Variants in SUCLG2 observed in about 807,000 individuals in gnomAD.
The protein encoded by SUCLG2 is succinate--CoA ligase [GDP-forming] subunit beta, mitochondrial.
SUCLG2 carries 42 observed loss-of-function variants against 47.9 expected under a neutral mutation model. The observed-to-expected ratio is 0.88, with a 90% confidence interval of 0.69 to 1.14. The LOEUF is 1.14. Among genes scored for constraint, SUCLG2 ranks in the 50% most tolerant of loss-of-function variants. The probability of loss-of-function intolerance (pLI) is 0.00; values close to 1 mark genes in which losing one functional copy is unlikely to be tolerated. For synonymous variants in SUCLG2, 195 were observed against 197.3 expected, an observed-to-expected ratio of 0.99 and a Z score of 0.10; for missense variants, 571 against 525.9, an observed-to-expected ratio of 1.09 and a Z score of -0.84.
chr3:67,391,403 T>C (rs1329502998), intron 10 of SUCLG2, among the ~76,000 whole-genome samples: 1 of 152,106 alleles, frequency 6.6e-6, no homozygotes, highest in Non-Finnish European at 1.5e-5. Context: ...ATTCGCTACA[T>C]GATGGTATGT....
intron 9 of SUCLG2, among the ~76,000 whole-genome samples, chr3:67,423,554 C>T (rs1703223355): frequency 6.6e-6 from 1 of 152,136 alleles, no homozygotes; most frequent in African/African-American, 2.4e-5. Flanking sequence ...TCTTTCTGTG[C>T]CTGGCATTTG....
At chr3:67,392,648 G>A (rs1702416318) in intron 10 of SUCLG2, among the ~76,000 whole-genome samples, 1 of 152,124 alleles carries the variant, frequency 6.6e-6, no homozygotes, top group Non-Finnish European at 1.5e-5. Context: ...GGGCAGAGGG[G>A]TGCTCCTTAA....
chr3:67,631,460 T>C (rs1000451394), intron 1 of SUCLG2, among the ~76,000 whole-genome samples: 5 of 151,926 alleles, frequency 3.3e-5, no homozygotes, highest in Admixed American at 1.3e-4. Flanking sequence ...AAACCCCGTC[T>C]CTACCAAAAA....
chr3:67,419,597 A>C (rs546222820), intron 9 of SUCLG2, among the ~76,000 whole-genome samples: 4 of 152,302 alleles, frequency 2.6e-5, no homozygotes, highest in Admixed American at 6.5e-5. Flanking sequence ...TTATATTAGG[A>C]GCATTCTGTC....
chr3:67,552,542 G>A (rs76450205), intron 2 of SUCLG2, among the ~76,000 whole-genome samples: 4,545 of 152,298 alleles, frequency 0.03, 147 homozygotes, highest in East Asian at 0.16. Context: ...CTGCAGACAT[G>A]GATGTCTATA....
At chr3:67,394,316 G>C (rs970476723) in intron 10 of SUCLG2, among the ~76,000 whole-genome samples, 5 of 151,730 alleles carry the variant, frequency 3.3e-5, no homozygotes, top group African/African-American at 7.3e-5. Context: ...CCAATACAGA[G>C]AAGTGCTTAA....
Position 67,495,839 on chromosome 3 carries a change from G to A in SUCLG2, c.1021C>T (p.Gln341Ter). ...LDLGGGVKEA[Q>*]VYQAFKLLTA... ...AGCAATTTGAATGCTTGATATACTT[G>A]AGCTTCCTTTACACCACCTCCAAGA... The change falls in exon 9 of 11, where the codon CAA becomes TAA. Residue 341 changes from glutamine to a stop codon, truncating the protein, a stop_gained. Transcript: ENST00000307227. LOFTEE classifies it high-confidence loss of function. 6.2e-7 allele frequency: 1 copy of A among 1,613,952 alleles called. No homozygotes were observed. The highest frequency in any genetic ancestry group is 8.5e-7 in the Non-Finnish European group (1 of 1,179,960).
chr3:67,399,515 A>G (rs1020352535), intron 10 of SUCLG2, among the ~76,000 whole-genome samples: 45 of 152,212 alleles, frequency 3.0e-4, no homozygotes, highest in African/African-American at 1.0e-3. Flanking sequence ...TTTGCACTAT[A>G]AAGTCAAATT....
intron 9 of SUCLG2, among the ~76,000 whole-genome samples, chr3:67,403,770 T>C (rs1702742048): frequency 1.3e-5 from 2 of 152,188 alleles, no homozygotes; most frequent in South Asian, 4.1e-4. Flanking sequence ...CTTAGTTCGC[T>C]GAGGAACTAA....
At chr3:67,606,882 C>G (rs1226180181) in intron 2 of SUCLG2, among the ~76,000 whole-genome samples, 1 of 152,104 alleles carries the variant, frequency 6.6e-6, no homozygotes, top group African/African-American at 2.4e-5. Context: ...ATATTTGTTC[C>G]AGAAGAGAAT....
At chr3:67,547,677 G>A (rs1706903578) in intron 2 of SUCLG2, among the ~76,000 whole-genome samples, 1 of 151,802 alleles carries the variant, frequency 6.6e-6, no homozygotes, top group African/African-American at 2.4e-5. Flanking sequence ...AATAACTCCA[G>A]AAAAGAAGAT....
chr3:67,533,185 G>T (rs1299527307), intron 2 of SUCLG2, among the ~76,000 whole-genome samples: 1 of 152,122 alleles, frequency 6.6e-6, no homozygotes, highest in African/African-American at 2.4e-5. Context: ...ATTGACAAAA[G>T]TAAGTTATTT....
At chr3:67,477,520 C>G (rs911035551) in intron 9 of SUCLG2, among the ~76,000 whole-genome samples, 1 of 152,148 alleles carries the variant, frequency 6.6e-6, no homozygotes, top group African/African-American at 2.4e-5. Flanking sequence ...CATGGCAAAA[C>G]CCCGTCTCTA....
At chr3:67,457,813 C>T (rs1282779532) in intron 9 of SUCLG2, among the ~76,000 whole-genome samples, 1 of 148,460 alleles carries the variant, frequency 6.7e-6, no homozygotes, top group African/African-American at 2.5e-5. Context: ...CACAGTGGTA[C>T]ATGCTTGGGA....
At chr3:67,491,774 G>A (rs1705212668) in intron 9 of SUCLG2, among the ~76,000 whole-genome samples, 1 of 152,102 alleles carries the variant, frequency 6.6e-6, no homozygotes, top group Non-Finnish European at 1.5e-5. Flanking sequence ...ACTTTAATAA[G>A]TTTATTAAAT....
intron 10 of SUCLG2, among the ~76,000 whole-genome samples, chr3:67,364,107 T>A (rs1324689919): frequency 1.3e-5 from 2 of 152,126 alleles, no homozygotes; most frequent in Non-Finnish European, 2.9e-5. Flanking sequence ...TCTACTTCAG[T>A]GGGACACCAC....
intron 1 of SUCLG2, among the ~76,000 whole-genome samples, chr3:67,640,170 T>G (rs555619766): frequency 1.4e-3 from 216 of 152,322 alleles, no homozygotes; most frequent in Non-Finnish European, 2.6e-3. Flanking sequence ...AACAATGAAT[T>G]CAGCACTATG....
intron 1 of SUCLG2, among the ~76,000 whole-genome samples, chr3:67,615,146 T>A (rs1700601611): frequency 6.6e-6 from 1 of 150,548 alleles, no homozygotes; most frequent in South Asian, 2.1e-4. Flanking sequence ...AGAAAAAGAA[T>A]GAAAAATGAG....
chr3:67,384,063 C>G (rs1001086465), intron 10 of SUCLG2, among the ~76,000 whole-genome samples: 2 of 152,126 alleles, frequency 1.3e-5, no homozygotes, highest in Admixed American at 6.5e-5. Flanking sequence ...GTCGAAAATG[C>G]TGACTTTGGT....
Sources: allele counts gnomAD v4.1 joint callset (sites outside exome capture counted in the v4.1 genomes callset), GRCh38; gene constraint gnomAD v4.1.1; transcripts MANE v1.5; gene names NCBI Gene and HGNC (gene_info 2026-07-23, HGNC 2026-07-21).